Variants in ARHGAP44 observed in about 807,000 individuals in gnomAD.
ARHGAP44 encodes the protein rho GTPase-activating protein 44.
In ARHGAP44, 43 loss-of-function variants were observed where a neutral mutation model predicts 106.8. That is an observed-to-expected ratio of 0.40 (90% CI 0.32 to 0.52). The LOEUF is 0.52. ARHGAP44 is among the 20% of genes least tolerant of loss of function. The pLI, the probability that ARHGAP44 is intolerant of heterozygous loss-of-function variation, is 0.48. For missense variants in ARHGAP44, 866 were observed against 1,050.5 expected (o/e 0.82, Z 2.43); for synonymous variants, 439 against 410.3 (o/e 1.07, Z -0.85).
intron 1 of ARHGAP44, among the ~76,000 whole-genome samples, chr17:12,891,410 C>T (rs2037041702): frequency 6.6e-6 from 1 of 152,176 alleles, no homozygotes; most frequent in Non-Finnish European, 1.5e-5. Context: ...CAAGGTCCTT[C>T]TTGCTACATT....
rs745633068 is a variant in ARHGAP44, at chr17:12,990,088, C to CTGAG, written c.2376_2379dup (p.Pro794GlufsTer13). The CTGAG allele has an allele frequency of 6.2e-7, 1 of 1,613,214 alleles. No homozygotes were observed. The highest frequency in any genetic ancestry group is 8.5e-7 in the Non-Finnish European group (1 of 1,179,438). ...CATAGAGCTCGGGTCGACGCTCCGC[C>CTGAG]TGAGTCCCCTGGAGCACATGCGGCG... On this transcript the variant is annotated frameshift_variant, in exon 21 of 21. Coordinates refer to ENST00000379672, the MANE Select transcript of ARHGAP44 (RefSeq NM_014859.6). LOFTEE classifies it high-confidence loss of function.
At chr17:12,854,819 G>T (rs763351870) in intron 1 of ARHGAP44, among the ~76,000 whole-genome samples, 1 of 151,982 alleles carries the variant, frequency 6.6e-6, no homozygotes, top group Non-Finnish European at 1.5e-5. Context: ...TTAGCCAGGC[G>T]TGGTGGCGCA....
At chr17:12,856,615 TATAAC>T (rs1293565917) in intron 1 of ARHGAP44, among the ~76,000 whole-genome samples, 2 of 152,182 alleles carry the variant, frequency 1.3e-5, no homozygotes, top group Non-Finnish European at 2.9e-5. Flanking sequence ...GAAAGGCTGT[TATAAC>T]ATACGGGTTA....
At chr17:12,943,471 A>C in intron 8 of ARHGAP44, 117 bp from the exon 9 acceptor site, 3 of 818,222 alleles carry the variant, frequency 3.7e-6, no homozygotes, top group African/African-American at 1.7e-5. Context: ...GGAGGAGGGA[A>C]TGGGTGACTA....
intron 4 of ARHGAP44, among the ~76,000 whole-genome samples, chr17:12,914,033 C>G (rs1484642357): frequency 6.8e-6 from 1 of 147,084 alleles, no homozygotes; most frequent in Non-Finnish European, 1.5e-5. Context: ...CACCTGGGCA[C>G]TGACATTTGT....
chr17:12,797,109 G>A (rs910687908), intron 1 of ARHGAP44, among the ~76,000 whole-genome samples: 2 of 152,012 alleles, frequency 1.3e-5, no homozygotes, highest in Admixed American at 1.3e-4. Context: ...TTTGTTGTAT[G>A]TCTCTTTTTT....
intron 1 of ARHGAP44, among the ~76,000 whole-genome samples, chr17:12,853,119 G>C (rs1012648232): frequency 6.6e-6 from 1 of 152,126 alleles, no homozygotes; most frequent in Middle Eastern, 3.2e-3. Context: ...TCTGAGTCCC[G>C]AATACAGCCT....
chr17:12,828,684 C>G (rs957260201), intron 1 of ARHGAP44, among the ~76,000 whole-genome samples: 2 of 132,690 alleles, frequency 1.5e-5, no homozygotes, highest in Non-Finnish European at 3.1e-5. Context: ...CTCTGTCACT[C>G]AGGCTGCAGT....
chr17:12,987,132 C>G, intron 20 of ARHGAP44: 1 of 1,532,854 alleles, frequency 6.5e-7, no homozygotes, highest in Non-Finnish European at 8.7e-7. Flanking sequence ...GTTTTGGATA[C>G]GTGTGAGGGG....
intron 1 of ARHGAP44, among the ~76,000 whole-genome samples, chr17:12,871,118 A>G (rs1648284701): frequency 6.6e-6 from 1 of 152,212 alleles, no homozygotes; most frequent in East Asian, 1.9e-4. Flanking sequence ...AAAAGTTCAA[A>G]AGTCAATTAA....
In ARHGAP44 at chr17:12,952,390, T is replaced by G. The variant is rs9904367; in HGVS notation, c.1056-111T>G. On this transcript the variant is annotated intron_variant, in intron 12 of 20. Transcript: ENST00000379672. ...ATTTTTAAATACTAGCTTGCTGATA[T>G]GGTCAGTTACAGTGGTTGGTATCAA... The G allele has an allele frequency of 4.8e-4, 405 of 841,840 alleles. 3 individuals are homozygous for G. The African/African-American group carries it at 6.3e-3, about 13-fold the overall frequency. The allele number at this position is 841,840 out of a possible 1,614,324, so 52.1% of individuals were successfully genotyped here.
At chr17:12,935,640 CAAGTA>C (rs2038525392) in intron 7 of ARHGAP44, among the ~76,000 whole-genome samples, 1 of 150,236 alleles carries the variant, frequency 6.7e-6, no homozygotes, top group Non-Finnish European at 1.5e-5. Context: ...ATAAAATTGT[CAAGTA>C]AAGTGGAAAG....
chr17:12,909,855 A>T (rs1313521508), intron 4 of ARHGAP44, among the ~76,000 whole-genome samples: 1 of 152,252 alleles, frequency 6.6e-6, no homozygotes. Flanking sequence ...ATTGAGATCA[A>T]CAAGAAAAAA....
At chr17:12,819,979 T>G (rs1284923013) in intron 1 of ARHGAP44, among the ~76,000 whole-genome samples, 1 of 152,136 alleles carries the variant, frequency 6.6e-6, no homozygotes, top group Non-Finnish European at 1.5e-5. Context: ...AAGAAATCAT[T>G]GCCTATGCCA....
chr17:12,847,851 A>G (rs1232257138), intron 1 of ARHGAP44, among the ~76,000 whole-genome samples: 1 of 152,172 alleles, frequency 6.6e-6, no homozygotes, highest in East Asian at 1.9e-4. Context: ...CTATTTTTCA[A>G]AAAGTAAATT....
intron 1 of ARHGAP44, among the ~76,000 whole-genome samples, chr17:12,870,386 C>T (rs549615993): frequency 3.3e-5 from 5 of 152,088 alleles, no homozygotes; most frequent in African/African-American, 1.2e-4. Flanking sequence ...CATTTTTAGC[C>T]TTTTAATACG....
At chr17:12,984,220 G>A (rs943249428) in intron 19 of ARHGAP44, among the ~76,000 whole-genome samples, 2 of 152,170 alleles carry the variant, frequency 1.3e-5, no homozygotes, top group Non-Finnish European at 2.9e-5. Flanking sequence ...TCCTGTGGAT[G>A]GGAAATTTGT....
Position 12,943,752 on chromosome 17 carries a change from T to TG in ARHGAP44, c.733+85dup, listed in dbSNP as rs1362546388. Reference sequence around the variant, plus strand: ...ATGAGATGAATTCCTTGTATGTCGTTGGCCCTAACACTCTGCCCAACAGCA... The same window carrying TG: ...ATGAGATGAATTCCTTGTATGTCGTTGGGCCCTAACACTCTGCCCAACAGCA... On this transcript the variant is annotated intron_variant, in intron 9 of 20. Transcript: ENST00000379672. 1.3e-5 allele frequency: 18 copies of TG among 1,400,900 alleles called. No individual in the cohort carries two copies. In the African/African-American group the frequency reaches 1.4e-4, roughly 11 times the overall value. 86.8% of individuals were successfully genotyped at this position (1,400,900 alleles called of 1,614,324 possible).
chr17:12,870,882 C>T (rs1242290034), intron 1 of ARHGAP44, among the ~76,000 whole-genome samples: 4 of 152,136 alleles, frequency 2.6e-5, no homozygotes, highest in Non-Finnish European at 5.9e-5. Flanking sequence ...CTCTTGACTG[C>T]CTTTAGTGAG....
Sources: gnomAD v4.1 joint callset for allele counts (sites outside exome capture counted in the v4.1 genomes callset) on GRCh38, gnomAD v4.1.1 for gene constraint, MANE v1.5 for transcripts, NCBI Gene and HGNC (gene_info 2026-07-23, HGNC 2026-07-21) for gene names.